The following PLXNA4 variants were observed in gnomAD, a reference collection of about 807,000 sequenced individuals.
PLXNA4 encodes plexin A4.
PLXNA4 carries 44 observed loss-of-function variants against 191.8 expected under a neutral mutation model. The ratio of observed to expected loss-of-function variants is 0.23; its 90% CI spans 0.18 to 0.29. The LOEUF (loss-of-function observed/expected upper bound fraction) is 0.29, where lower values mean the gene tolerates loss of function less well. Ranked by LOEUF, PLXNA4 falls within the 10% of genes least tolerant of loss-of-function variation. PLXNA4 has a pLI of 1.00. For missense variants in PLXNA4, 1,800 were observed against 2,488.8 expected, an observed-to-expected ratio of 0.72 and a Z score of 5.89; for synonymous variants, 1,082 against 1,009.5, an observed-to-expected ratio of 1.07 and a Z score of -1.36.
intron 30 of PLXNA4, among the ~76,000 whole-genome samples, chr7:132,133,738 TTAAG>T (rs1795035479): frequency 6.6e-6 from 1 of 152,192 alleles, no homozygotes; most frequent in Admixed American, 6.5e-5. Context: ...TGTCAACTGG[TTAAG>T]TAGATGCCAG....
intron 8 of PLXNA4, 123 bp downstream of exon 8, chr7:132,226,038 G>A (rs1351002077): frequency 2.4e-6 from 2 of 845,158 alleles, no homozygotes; most frequent in East Asian, 2.6e-5. Flanking sequence ...AGGAGAGGGA[G>A]TGAAGGAGGC....
chr7:132,564,296 G>T (rs571056512), intron 1 of PLXNA4, among the ~76,000 whole-genome samples: 14 of 98,374 alleles, frequency 1.4e-4, no homozygotes, highest in African/African-American at 4.2e-4. Context: ...TCCTTCTGCT[G>T]CTCCTCCTCC....
At chr7:132,495,613 G>C (rs542357543) in intron 2 of PLXNA4, among the ~76,000 whole-genome samples, 2 of 152,266 alleles carry the variant, frequency 1.3e-5, no homozygotes, top group African/African-American at 4.8e-5. Context: ...TGGTCCAGGA[G>C]AGAGAGGATT....
chr7:132,484,891 A>G, intron 3 of PLXNA4: 1 of 1,614,226 alleles, frequency 6.2e-7, no homozygotes, highest in Non-Finnish European at 8.5e-7. Context: ...TTGCTTTGTG[A>G]CTTGAGCACT....
intron 3 of PLXNA4, among the ~76,000 whole-genome samples, chr7:132,354,599 C>CT (rs1415996910): frequency 1.3e-5 from 2 of 152,156 alleles, no homozygotes; most frequent in African/African-American, 4.8e-5. Flanking sequence ...CTTGGATGTG[C>CT]TTTTTTGTCC....
intron 3 of PLXNA4, among the ~76,000 whole-genome samples, chr7:132,304,254 C>A (rs1173511340): frequency 6.6e-6 from 1 of 152,140 alleles, no homozygotes; most frequent in African/African-American, 2.4e-5. Context: ...TAGAGAAGAT[C>A]AGAGAGCCAC....
Position 132,180,688 on chromosome 7 carries a change from C to T in PLXNA4, c.3537G>A (p.Leu1179=), listed in dbSNP as rs757878877. The change falls in exon 19 of 32, where the codon CTG becomes CTA. Residue 1179 remains leucine, a synonymous_variant. Transcript: ENST00000321063. ...IPPVAGGNVK[L]NYTVLVGEKP... ...TCTCCCCAACCAGCACAGTGTAGTT[C>T]AGCTTCACGTTGCCCCCAGCCACAG... The T allele has an allele frequency of 1.2e-5, 19 of 1,614,068 alleles. No individual in the cohort carries two copies. Among genetic ancestry groups the T allele is most frequent in the Non-Finnish European group, 1.5e-5 (18 of 1,180,050 alleles).
intron 1 of PLXNA4, among the ~76,000 whole-genome samples, chr7:132,515,152 T>A (rs903831655): frequency 3.3e-5 from 5 of 152,172 alleles, no homozygotes; most frequent in African/African-American, 1.2e-4. Flanking sequence ...TTCCACCAGA[T>A]GTAACCTTGG....
chr7:132,160,705 C>G (rs1003238578), intron 24 of PLXNA4, among the ~76,000 whole-genome samples: 1 of 152,164 alleles, frequency 6.6e-6, no homozygotes, highest in African/African-American at 2.4e-5. Context: ...CTGTGTGTCT[C>G]TCTCCTTCTC....
chr7:132,290,278 T>C lies in PLXNA4; in HGVS notation c.1503+7813A>G, dbSNP rs560030874. On this transcript the variant is annotated intron_variant, in intron 4 of 31. Coordinates refer to ENST00000321063, the MANE Select transcript of PLXNA4 (RefSeq NM_020911.2). The stretch of plus-strand genomic sequence containing the variant: ...TTCTGGCTTCCAGGAAGGAAAGGGC[T>C]GGTGTGTGGAGAGGCAGATACATTG... Among the ~76,000 whole-genome samples, 3 of 152,340 alleles carry C rather than the reference T, an allele frequency of 2.0e-5. No homozygotes were observed. The South Asian group carries it at 6.2e-4, about 32-fold the overall frequency.
At chr7:132,445,968 G>A (rs1360548621) in intron 3 of PLXNA4, among the ~76,000 whole-genome samples, 1 of 152,180 alleles carries the variant, frequency 6.6e-6, no homozygotes, top group Non-Finnish European at 1.5e-5. Flanking sequence ...GCTGTGCCCT[G>A]AAAGTTGAGC....
intron 30 of PLXNA4, among the ~76,000 whole-genome samples, chr7:132,134,719 C>T (rs932839009): frequency 1.8e-4 from 28 of 152,206 alleles, no homozygotes; most frequent in Admixed American, 1.8e-3. Flanking sequence ...ATAACATGGC[C>T]TTTCTCAGAG....
intron 3 of PLXNA4, among the ~76,000 whole-genome samples, chr7:132,347,452 C>T (rs1166667816): frequency 1.3e-5 from 2 of 152,158 alleles, no homozygotes; most frequent in Non-Finnish European, 2.9e-5. Flanking sequence ...TGTGTTGCAG[C>T]TGATGTGGGA....
chr7:132,270,984 C>T (rs1440477815), intron 4 of PLXNA4: 2 of 152,132 alleles, frequency 1.3e-5, no homozygotes, highest in African/African-American at 4.8e-5. Context: ...AATGGAGCTT[C>T]CCTACCCCCT....
Position 132,127,194 on chromosome 7 carries a change from G to C in PLXNA4, c.*3285C>G, listed in dbSNP as rs1794792662. The C allele has an allele frequency of 6.6e-6, 1 of 152,176 alleles. No individual in the cohort carries two copies. Among genetic ancestry groups the C allele is most frequent in the African/African-American group, 2.4e-5 (1 of 41,438 alleles). 9.4% of individuals were successfully genotyped at this position (152,176 alleles called of 1,614,324 possible). A position where few individuals can be genotyped will look rare whatever the true frequency, so the allele number is the denominator to read the frequency against. On this transcript the variant is annotated 3_prime_UTR_variant, in exon 32 of 32. Coordinates refer to ENST00000321063, the MANE Select transcript of PLXNA4 (RefSeq NM_020911.2). ...CTAAACTTTGTCAGTGATTTTGATG[G>C]CTCAGTCTGGTACCATTTTCCCTGG...
intron 3 of PLXNA4, among the ~76,000 whole-genome samples, chr7:132,429,692 G>C (rs77213043): frequency 6.6e-6 from 1 of 152,130 alleles, no homozygotes; most frequent in Non-Finnish European, 1.5e-5. Context: ...GGAGTTTGCC[G>C]ACTGTTGCTC....
chr7:132,358,878 G>A (rs915381971), intron 3 of PLXNA4, among the ~76,000 whole-genome samples: 2 of 152,204 alleles, frequency 1.3e-5, no homozygotes, highest in Non-Finnish European at 2.9e-5. Context: ...GGCAGGGCCA[G>A]ACAAGGCAAG....
chr7:132,521,625 T>C (rs1424953295), intron 1 of PLXNA4, among the ~76,000 whole-genome samples: 1 of 152,172 alleles, frequency 6.6e-6, no homozygotes, highest in Non-Finnish European at 1.5e-5. Flanking sequence ...TGGACTGTGA[T>C]GAAACCTCAC....
chr7:132,553,448 G>C (rs1800654660), intron 1 of PLXNA4, among the ~76,000 whole-genome samples: 1 of 152,100 alleles, frequency 6.6e-6, no homozygotes, highest in Non-Finnish European at 1.5e-5. Flanking sequence ...TTCCTGACAG[G>C]GTACATGAAA....
Sources: allele counts gnomAD v4.1 joint callset (sites outside exome capture counted in the v4.1 genomes callset), GRCh38; gene constraint gnomAD v4.1.1; transcripts MANE v1.5; gene names NCBI Gene and HGNC (gene_info 2026-07-23, HGNC 2026-07-21).